The following NRG1 variants were observed in gnomAD, a reference collection of about 807,000 sequenced individuals.
NRG1 encodes the protein pro-neuregulin-1, membrane-bound isoform.
Under a neutral mutation model 63.8 loss-of-function variants are expected in NRG1, and 18 were observed. That is an observed-to-expected ratio of 0.28 (90% confidence interval 0.19 to 0.42). The LOEUF is 0.42. NRG1 is among the 10% of genes least tolerant of loss of function. The pLI is 1.00. For missense variants in NRG1, 762 were observed against 814.7 expected, an observed-to-expected ratio of 0.94 and a Z score of 0.79; for synonymous variants, 302 against 301.3, an observed-to-expected ratio of 1.00 and a Z score of -0.02.
intron 1 of NRG1, among the ~76,000 whole-genome samples, chr8:32,273,292 T>C (rs1013975829): frequency 6.6e-6 from 1 of 152,176 alleles, no homozygotes. Flanking sequence ...AGAAAGCTAT[T>C]AGATTCCCAA....
rs139358704 is a variant in NRG1 at position 32,229,379 on chromosome 8, G to T, written c.38-366449G>T. On this transcript the variant is annotated intron_variant, in intron 1 of 10. Coordinates refer to the NRG1 transcript ENST00000519301. ...GTTTGTGAGGATATTGTGAGTCAGG[G>T]TTCTCCTGATTGGGCAAGATGAACG... 3.5e-3 allele frequency among the ~76,000 whole-genome samples: 535 copies of T among 152,256 alleles called. 2 individuals are homozygous for T. The highest frequency in any genetic ancestry group is 0.012 in the African/African-American group (507 of 41,552).
chr8:31,899,055 C>G (rs1285655592), intron 1 of NRG1, among the ~76,000 whole-genome samples: 1 of 151,882 alleles, frequency 6.6e-6, no homozygotes, highest in South Asian at 2.1e-4. Context: ...CTTATCCTAG[C>G]AGAAGATTTA....
chr8:32,541,725 A>G (rs1179776679), intron 1 of NRG1, among the ~76,000 whole-genome samples: 3 of 152,218 alleles, frequency 2.0e-5, no homozygotes, highest in African/African-American at 7.2e-5. Flanking sequence ...CCATCAAAGC[A>G]TCTGAATCTC....
At chr8:32,332,499 G>A (rs1802772331) in intron 1 of NRG1, among the ~76,000 whole-genome samples, 1 of 152,034 alleles carries the variant, frequency 6.6e-6, no homozygotes, top group South Asian at 2.1e-4. Flanking sequence ...ACATCAATTA[G>A]GATACACCAT....
intron 1 of NRG1, among the ~76,000 whole-genome samples, chr8:31,715,826 T>C (rs1812295948): frequency 1.3e-5 from 2 of 152,156 alleles, no homozygotes; most frequent in African/African-American, 4.8e-5. Context: ...GGATTGGGAT[T>C]GGAGGCTGAA....
At chr8:31,854,190 C>G (rs1160874681) in intron 1 of NRG1, among the ~76,000 whole-genome samples, 2 of 151,508 alleles carry the variant, frequency 1.3e-5, no homozygotes, top group African/African-American at 4.8e-5. Context: ...AGGAATGGTA[C>G]CAGTTCCTCC....
At chr8:32,247,787 T>A (rs929881838) in intron 1 of NRG1, among the ~76,000 whole-genome samples, 1 of 152,052 alleles carries the variant, frequency 6.6e-6, no homozygotes, top group Non-Finnish European at 1.5e-5. Flanking sequence ...ATAAACTCAA[T>A]ACACAATATA....
intron 1 of NRG1, among the ~76,000 whole-genome samples, chr8:32,361,687 C>A (rs751764179): frequency 3.3e-5 from 5 of 152,106 alleles, no homozygotes; most frequent in Non-Finnish European, 7.4e-5. Context: ...GCCTTGGAAA[C>A]CTTGAGACAG....
At chr8:31,936,237 A>G (rs907860815) in intron 1 of NRG1, among the ~76,000 whole-genome samples, 10 of 152,252 alleles carry the variant, frequency 6.6e-5, no homozygotes, top group Non-Finnish European at 1.2e-4. Context: ...ATCGCGGTGT[A>G]CAATAAATGT....
At chr8:32,166,925 C>T (rs893546475) in intron 1 of NRG1, among the ~76,000 whole-genome samples, 8 of 152,282 alleles carry the variant, frequency 5.3e-5, no homozygotes, top group Non-Finnish European at 8.8e-5. Flanking sequence ...AATACCTTCA[C>T]CATTCAAAAT....
At chr8:32,259,899 A>G (rs1004861239) in intron 1 of NRG1, among the ~76,000 whole-genome samples, 6 of 152,072 alleles carry the variant, frequency 3.9e-5, no homozygotes, top group African/African-American at 1.4e-4. Flanking sequence ...AGCTTTATAC[A>G]AGAGTTATAT....
intron 1 of NRG1, among the ~76,000 whole-genome samples, chr8:32,587,067 G>A (rs2129534342): frequency 1.3e-5 from 2 of 152,262 alleles, no homozygotes; most frequent in South Asian, 4.1e-4. Flanking sequence ...GCCCAGCGTG[G>A]TGGTGTGTGC....
At chr8:31,639,302 C>G in exon 1 of NRG1, 1 of 1,471,544 alleles carries the variant, frequency 6.8e-7, no homozygotes, top group Admixed American at 2.0e-5. Flanking sequence ...CCTCCCATTG[C>G]AGCACTCGGG....
chr8:31,783,603 CAAAA>C (rs772436543), intron 1 of NRG1, among the ~76,000 whole-genome samples: 1 of 110,572 alleles, frequency 9.0e-6, no homozygotes, highest in African/African-American at 3.3e-5. Flanking sequence ...TGTTTTCAGG[CAAAA>C]AAAAAAAAAA....
chr8:32,184,147 TAGAG>T (rs1345136836), intron 1 of NRG1, among the ~76,000 whole-genome samples: 1 of 152,010 alleles, frequency 6.6e-6, no homozygotes, highest in African/African-American at 2.4e-5. Context: ...TATAGATATA[TAGAG>T]AGAGTACATG....
chr8:31,839,874 G>A (rs548593029), intron 1 of NRG1, among the ~76,000 whole-genome samples: 6 of 152,168 alleles, frequency 3.9e-5, no homozygotes, highest in African/African-American at 1.2e-4. Flanking sequence ...CTGTGAAATC[G>A]CAGGGACAGG....
chr8:31,807,716 C>T (rs994418935), intron 1 of NRG1, among the ~76,000 whole-genome samples: 7 of 152,082 alleles, frequency 4.6e-5, no homozygotes, highest in African/African-American at 9.6e-5. Context: ...ATTTTGTGCC[C>T]GTTGTTTAGT....
At chr8:32,368,190 A>T (rs182336042) in intron 1 of NRG1, among the ~76,000 whole-genome samples, 97 of 152,330 alleles carry the variant, frequency 6.4e-4, no homozygotes, top group African/African-American at 2.3e-3. Context: ...AAAAGTTTAT[A>T]TTAGCTTACT....
intron 1 of NRG1, among the ~76,000 whole-genome samples, chr8:32,429,379 T>C (rs918383617): frequency 1.3e-5 from 2 of 152,102 alleles, no homozygotes; most frequent in African/African-American, 4.8e-5. Context: ...ATAATCACAG[T>C]CTCCTTTTAC....
Sources: gnomAD v4.1 joint callset for allele counts (sites outside exome capture counted in the v4.1 genomes callset) on GRCh38, gnomAD v4.1.1 for gene constraint, MANE v1.5 for transcripts, NCBI Gene and HGNC (gene_info 2026-07-23, HGNC 2026-07-21) for gene names.